Variants in RFX4 observed in about 807,000 individuals in gnomAD.
RFX4 encodes transcription factor RFX4.
RFX4 carries 10 observed loss-of-function variants against 95.0 expected under a neutral mutation model. The ratio of observed to expected loss-of-function variants is 0.11; its 90% CI spans 0.06 to 0.18. RFX4 has a LOEUF of 0.18. Ranked by LOEUF, RFX4 falls within the 10% of genes least tolerant of loss-of-function variation. RFX4 has a pLI of 1.00. For synonymous variants in RFX4, 321 were observed against 340.7 expected (o/e 0.94, Z 0.64); for missense variants, 640 against 922.0 (o/e 0.69, Z 3.96).
chr12:106,740,935 C>A (rs2042793823), intron 15 of RFX4, among the ~76,000 whole-genome samples: 1 of 151,998 alleles, frequency 6.6e-6, no homozygotes, highest in Non-Finnish European at 1.5e-5. Context: ...TGTGCACAGG[C>A]CTCAGGCAGC....
Position 106,583,118 on chromosome 12 carries a change from C to G in RFX4, c.-203C>G. The G allele has an allele frequency of 2.1e-6, 1 of 466,708 alleles. No homozygotes were observed. The highest frequency in any genetic ancestry group is 3.7e-6 in the Non-Finnish European group (1 of 273,290). 28.9% of individuals were successfully genotyped at this position (466,708 alleles called of 1,614,324 possible). ...CTCGCTCCCTTCTCTCCCTCTCTCT[C>G]CTCTTTTCTTCTTTCTCTTTTCTTT... On this transcript the variant is annotated 5_prime_UTR_variant, in exon 1 of 18. Coordinates refer to ENST00000392842, the MANE Select transcript of RFX4 (RefSeq NM_213594.3).
intron 2 of RFX4, among the ~76,000 whole-genome samples, chr12:106,614,324 C>T (rs1315596059): frequency 6.6e-6 from 1 of 151,908 alleles, no homozygotes; most frequent in Non-Finnish European, 1.5e-5. Flanking sequence ...CCATGCCCAA[C>T]TAATTTTTGT....
intron 4 of RFX4, chr12:106,680,615 A>C (rs1592930764): frequency 6.6e-6 from 1 of 152,206 alleles, no homozygotes; most frequent in Non-Finnish European, 1.5e-5. Flanking sequence ...CCCTACCAAC[A>C]AGAAATCAGC....
chr12:106,662,964 C>A (rs982409147), intron 4 of RFX4, among the ~76,000 whole-genome samples: 1 of 152,024 alleles, frequency 6.6e-6, no homozygotes, highest in African/African-American at 2.4e-5. Flanking sequence ...ATTACAGTAG[C>A]TTTATTGTAC....
At chr12:106,732,524 C>A (rs1389552695) in intron 14 of RFX4, among the ~76,000 whole-genome samples, 1 of 152,032 alleles carries the variant, frequency 6.6e-6, no homozygotes, top group Non-Finnish European at 1.5e-5. Flanking sequence ...TATGGCAAAA[C>A]CCCATCTCTA....
At chr12:106,725,731 T>A (rs1005789988) in intron 13 of RFX4, among the ~76,000 whole-genome samples, 2 of 151,884 alleles carry the variant, frequency 1.3e-5, no homozygotes, top group South Asian at 4.2e-4. Flanking sequence ...AAAAGAAGAA[T>A]TGAGAAGATA....
At chr12:106,643,134 C>T (rs140924033) in intron 3 of RFX4, among the ~76,000 whole-genome samples, 46 of 152,300 alleles carry the variant, frequency 3.0e-4, no homozygotes, top group African/African-American at 1.1e-3. Flanking sequence ...AGGCTGCCCC[C>T]AGGGTGGGGG....
At chr12:106,604,500 A>G (rs1436940076) in intron 1 of RFX4, among the ~76,000 whole-genome samples, 1 of 152,056 alleles carries the variant, frequency 6.6e-6, no homozygotes, top group Non-Finnish European at 1.5e-5. Flanking sequence ...CTTTATTTGG[A>G]AAATCGCCTT....
chr12:106,623,798 T>C (rs957257286), intron 2 of RFX4, among the ~76,000 whole-genome samples: 1 of 152,088 alleles, frequency 6.6e-6, no homozygotes. Flanking sequence ...AAAACAAAAA[T>C]CCAGCAGAAT....
Position 106,698,592 on chromosome 12 carries a change from C to T in RFX4, c.833+2146C>T, listed in dbSNP as rs146171488. ...TTCATCAAAGTTATTTGATCAATAA[C>T]GAAAGTTACTCATCTTTAGTTTTCT... is the stretch of plus-strand genomic sequence containing the variant. On this transcript the variant is annotated intron_variant, in intron 8 of 17. Transcript: ENST00000392842. Among the ~76,000 whole-genome samples the T allele has an allele frequency of 8.0e-3, 1,216 of 152,180 alleles. 23 individuals are homozygous for T. Among genetic ancestry groups the T allele is most frequent in the African/African-American group, 0.028 (1,157 of 41,526 alleles).
chr12:106,739,107 C>T (rs1230389695), intron 15 of RFX4, among the ~76,000 whole-genome samples: 4 of 112,486 alleles, frequency 3.6e-5, no homozygotes, highest in Admixed American at 1.9e-4. Flanking sequence ...AAATCAATTT[C>T]GTAAAAAGGA....
At chr12:106,615,170 A>G (rs2040048948) in intron 2 of RFX4, among the ~76,000 whole-genome samples, 3 of 152,122 alleles carry the variant, frequency 2.0e-5, no homozygotes, top group Non-Finnish European at 4.4e-5. Context: ...GGTGTGAAGG[A>G]GTAATCAAAG....
At chr12:106,610,653 T>G (rs2039941942) in intron 2 of RFX4, among the ~76,000 whole-genome samples, 1 of 152,254 alleles carries the variant, frequency 6.6e-6, no homozygotes, top group African/African-American at 2.4e-5. Flanking sequence ...TTTCTTCTTT[T>G]TGAAGGCCGA....
At position 106,715,584 on chromosome 12, in the gene RFX4, T is replaced by A. The variant is rs1428277914; in HGVS notation, c.1138+40T>A. The A allele has an allele frequency of 2.5e-6, 4 of 1,602,912 alleles. No individual in the cohort carries two copies. In the South Asian group the frequency reaches 4.4e-5, roughly 18 times the overall value. On this transcript the variant is annotated intron_variant, in intron 11 of 17. Transcript: ENST00000392842. The stretch of plus-strand genomic sequence containing the variant: ...CAGGGATTGTTGTCCTGTTTTTATT[T>A]TTAAAAGAAAGAAAAAGTGTCTTAG...
chr12:106,673,142 G>A lies in RFX4; in HGVS notation c.316-8851G>A, dbSNP rs533212189. Among the ~76,000 whole-genome samples, 10 of 152,324 alleles carry A rather than the reference G, an allele frequency of 6.6e-5. No individual in the cohort carries two copies. The South Asian group carries it at 1.7e-3, about 25-fold the overall frequency. On this transcript the variant is annotated intron_variant, in intron 4 of 17. Transcript: ENST00000392842. Reference sequence around the variant, plus strand: ...CCAAAAACTAGATTGAATGAGGAGCGTCTGCAAATCCATGAAGGATGGAAG... The same window carrying A: ...CCAAAAACTAGATTGAATGAGGAGCATCTGCAAATCCATGAAGGATGGAAG...
At chr12:106,663,300 G>T (rs1406572842) in intron 4 of RFX4, among the ~76,000 whole-genome samples, 2 of 151,976 alleles carry the variant, frequency 1.3e-5, no homozygotes, top group East Asian at 1.9e-4. Flanking sequence ...ACATAAGTAT[G>T]TCATTTTGAG....
At chr12:106,696,493 G>A (rs1273725331) in intron 8 of RFX4, 47 bp downstream of exon 8, 2 of 1,606,312 alleles carry the variant, frequency 1.2e-6, no homozygotes, top group Non-Finnish European at 1.7e-6. Context: ...TCCACAGAAG[G>A]GATTGTTCTG....
chr12:106,638,456 C>T (rs1327939058), intron 2 of RFX4, among the ~76,000 whole-genome samples: 2 of 152,008 alleles, frequency 1.3e-5, no homozygotes, highest in African/African-American at 4.8e-5. Context: ...ATGTGCTAAA[C>T]CCTGCTCCAT....
chr12:106,720,606 A>T lies in RFX4; in HGVS notation c.1234-153A>T, dbSNP rs536239927. Reference sequence around the variant, plus strand: ...GCCACGTTGCCCAGGCTGGTCTCAAACTCCTAGGCTCATGCGATCATCCGC... The same window carrying T: ...GCCACGTTGCCCAGGCTGGTCTCAATCTCCTAGGCTCATGCGATCATCCGC... On this transcript the variant is annotated intron_variant, in intron 12 of 17. Transcript: ENST00000392842. This position sits in a 1 kb window ranked among gnomAD's most constrained non-coding sequence, Gnocchi z 4.2. Among the ~76,000 whole-genome samples, 31 of 151,488 alleles carry T rather than the reference A, an allele frequency of 2.0e-4. No individual in the cohort carries two copies. Among genetic ancestry groups the T allele is most frequent in the Middle Eastern group, 3.4e-3 (1 of 294 alleles).
Sources: gnomAD v4.1 joint callset for allele counts (sites outside exome capture counted in the v4.1 genomes callset) on GRCh38, gnomAD v4.1.1 for gene constraint, Gnocchi (gnomAD v3.1) non-coding constraint, MANE v1.5 for transcripts, NCBI Gene and HGNC (gene_info 2026-07-23, HGNC 2026-07-21) for gene names.